Variants in DDAH1 observed in about 807,000 individuals in gnomAD.
DDAH1 encodes N(G),N(G)-dimethylarginine dimethylaminohydrolase 1.
In DDAH1, 19 loss-of-function variants were observed where a neutral mutation model predicts 28.8. That is an observed-to-expected ratio of 0.66 (90% CI 0.46 to 0.97). The LOEUF (loss-of-function observed/expected upper bound fraction) is 0.97. DDAH1 is among the 50% of genes least tolerant of loss of function. DDAH1 has a pLI of 0.00. For synonymous variants in DDAH1, 153 were observed against 154.4 expected, an observed-to-expected ratio of 0.99 and a Z score of 0.07; for missense variants, 326 against 375.9, an observed-to-expected ratio of 0.87 and a Z score of 1.10.
At chr1:85,325,329 C>G (rs537110391) in intron 4 of DDAH1, among the ~76,000 whole-genome samples, 1 of 151,062 alleles carries the variant, frequency 6.6e-6, no homozygotes, top group Admixed American at 6.6e-5. Flanking sequence ...ATCAGTAACA[C>G]CACACGTGTG....
intron 2 of DDAH1, among the ~76,000 whole-genome samples, chr1:85,492,171 G>C (rs1570605149): frequency 6.6e-6 from 1 of 152,126 alleles, no homozygotes; most frequent in African/African-American, 2.4e-5. Flanking sequence ...GTCTGAGTCT[G>C]TGTTCTTTTG....
chr1:85,489,626 G>A (rs1369803868), intron 2 of DDAH1, among the ~76,000 whole-genome samples: 4 of 151,430 alleles, frequency 2.6e-5, no homozygotes, highest in African/African-American at 4.9e-5. Flanking sequence ...AGAGAAGGAA[G>A]GACAGAATGA....
intron 1 of DDAH1, among the ~76,000 whole-genome samples, chr1:85,366,769 G>C (rs1292560942): frequency 2.6e-5 from 4 of 152,240 alleles, no homozygotes; most frequent in African/African-American, 9.6e-5. Flanking sequence ...AGAAAGATGG[G>C]AATCCTCAGA....
In DDAH1 at chr1:85,350,489, T is replaced by A; in HGVS notation, c.523A>T (p.Lys175Ter). Residue 175 changes from lysine to a stop codon, truncating the protein, a stop_gained, in exon 4 of 6, where the codon AAG (lysine) becomes TAG (stop). Coordinates refer to ENST00000284031, the MANE Select transcript of DDAH1 (RefSeq NM_012137.4). LOFTEE classifies it high-confidence loss of function. ...TVPVADGLHLKSFCSMAGPNL... is the reference protein window; with the variant it reads ...TVPVADGLHL ...GGCCCAGCCATGCTGCAGAAACTCTTCAAATGCAACCCATCTGCCACTGGC... is the reference window on the plus strand; with the variant it reads ...GGCCCAGCCATGCTGCAGAAACTCTACAAATGCAACCCATCTGCCACTGGC... 6.2e-7 allele frequency: 1 copy of A among 1,614,118 alleles called. No homozygotes were observed. Among genetic ancestry groups the A allele is most frequent in the Non-Finnish European group, 8.5e-7 (1 of 1,179,996 alleles).
intron 1 of DDAH1, among the ~76,000 whole-genome samples, chr1:85,561,983 T>C (rs1659156055): frequency 6.6e-6 from 1 of 152,218 alleles, no homozygotes; most frequent in Non-Finnish European, 1.5e-5. Context: ...GGTCACCCTG[T>C]TTGACAGAGT....
intron 1 of DDAH1, among the ~76,000 whole-genome samples, chr1:85,517,579 TC>T (rs1260879233): frequency 6.6e-6 from 1 of 152,202 alleles, no homozygotes; most frequent in Non-Finnish European, 1.5e-5. Flanking sequence ...TCTAGCTTTT[TC>T]CTCAAGATAG....
chr1:85,469,636 A>C (rs1033122609), upstream of DDAH1, among the ~76,000 whole-genome samples: 4 of 152,184 alleles, frequency 2.6e-5, no homozygotes, highest in Admixed American at 6.5e-5. Flanking sequence ...ACATTCACTG[A>C]ATTACCAGAG....
At chr1:85,404,782 A>T (rs1652327664) in intron 1 of DDAH1, among the ~76,000 whole-genome samples, 1 of 152,168 alleles carries the variant, frequency 6.6e-6, no homozygotes, top group South Asian at 2.1e-4. Flanking sequence ...AAAAATTACA[A>T]TTGTAAGGTG....
chr1:85,341,629 A>G (rs1648486927), intron 4 of DDAH1, among the ~76,000 whole-genome samples: 2 of 152,160 alleles, frequency 1.3e-5, no homozygotes, highest in African/African-American at 4.8e-5. Context: ...CCTGGCTAAC[A>G]CGGTAAAACC....
At chr1:85,505,206 C>T (rs1056140921) in intron 1 of DDAH1, among the ~76,000 whole-genome samples, 1 of 151,824 alleles carries the variant, frequency 6.6e-6, no homozygotes, top group African/African-American at 2.4e-5. Context: ...AGGCTGGTCT[C>T]CTGACCTCAG....
At chr1:85,389,675 C>T (rs1651449763) in intron 1 of DDAH1, among the ~76,000 whole-genome samples, 1 of 152,132 alleles carries the variant, frequency 6.6e-6, no homozygotes, top group South Asian at 2.1e-4. Flanking sequence ...GCCTACCAAA[C>T]AGGAGATGCT....
At chr1:85,468,589 G>A (rs568931959), upstream of DDAH1, among the ~76,000 whole-genome samples, 6 of 149,224 alleles carry the variant, frequency 4.0e-5, no homozygotes, top group Admixed American at 1.4e-4. Flanking sequence ...GCGCAATCTC[G>A]GCTCACTGCA....
chr1:85,420,756 A>C (rs896398662), intron 1 of DDAH1, among the ~76,000 whole-genome samples: 2 of 152,128 alleles, frequency 1.3e-5, no homozygotes, highest in African/African-American at 4.8e-5. Context: ...ACACTCTTCC[A>C]ACCTCTGCCT....
chr1:85,402,161 A>AT (rs11365834), intron 1 of DDAH1, among the ~76,000 whole-genome samples: 29,390 of 120,284 alleles, frequency 0.24, 3,596 homozygotes, highest in East Asian at 0.33. Context: ...TAATACTTCT[A>AT]TTTTTTTTTT....
intron 1 of DDAH1, chr1:85,521,713 C>G (rs1657698281): frequency 5.4e-6 from 5 of 934,028 alleles, no homozygotes; most frequent in Admixed American, 6.2e-5. Flanking sequence ...CAGATGCTCT[C>G]TCTGTGAATC....
chr1:85,439,436 T>C (rs1185657206), intron 1 of DDAH1, among the ~76,000 whole-genome samples: 1 of 152,244 alleles, frequency 6.6e-6, no homozygotes, highest in African/African-American at 2.4e-5. Context: ...CTCTCAGCTC[T>C]CTGCCAGGGG....
chr1:85,322,268 A>C (rs1309019846), intron 5 of DDAH1, among the ~76,000 whole-genome samples: 1 of 152,106 alleles, frequency 6.6e-6, no homozygotes. Context: ...CTTTAGGTTT[A>C]TTTTCTTACC....
intron 1 of DDAH1, among the ~76,000 whole-genome samples, chr1:85,384,032 A>G (rs1210410604): frequency 6.6e-6 from 1 of 152,106 alleles, no homozygotes; most frequent in Non-Finnish European, 1.5e-5. Context: ...CCTGTATTTG[A>G]TCATGATGTG....
chr1:85,535,030 C>A (rs1445613084), intron 1 of DDAH1, among the ~76,000 whole-genome samples: 11 of 150,952 alleles, frequency 7.3e-5, no homozygotes, highest in Admixed American at 2.0e-4. Context: ...TTTTTTTTCC[C>A]GTGGAAATGA....
Sources: allele counts gnomAD v4.1 joint callset (sites outside exome capture counted in the v4.1 genomes callset), GRCh38; gene constraint gnomAD v4.1.1; transcripts MANE v1.5; gene names NCBI Gene and HGNC (gene_info 2026-07-23, HGNC 2026-07-21).